MAPK10: variants seen among roughly 807,000 people sequenced by gnomAD.
MAPK10 encodes the protein JNK3 alpha protein kinase.
A neutral mutation model predicts 59.3 loss-of-function variants in MAPK10; 25 were observed. That is an observed-to-expected ratio of 0.42 (90% CI 0.31 to 0.59). The LOEUF (loss-of-function observed/expected upper bound fraction) is 0.59, where lower values mean the gene tolerates loss of function less well. Among genes scored for constraint, MAPK10 ranks in the 20% least tolerant of loss-of-function variants. The pLI is 0.15. For synonymous variants in MAPK10, 190 were observed against 200.5 expected (o/e 0.95, Z 0.44); for missense variants, 351 against 568.9 (o/e 0.62, Z 3.90).
intron 3 of MAPK10, among the ~76,000 whole-genome samples, chr4:86,183,237 C>T: frequency 6.6e-6 from 1 of 151,886 alleles, no homozygotes; most frequent in Non-Finnish European, 1.5e-5. Flanking sequence ...GTGCTGCACT[C>T]AGTAACTCGT....
upstream of MAPK10, among the ~76,000 whole-genome samples, chr4:86,456,005 C>A (rs1751194827): frequency 6.6e-6 from 1 of 152,118 alleles, no homozygotes; most frequent in South Asian, 2.1e-4. Flanking sequence ...CCAAAAGGAA[C>A]CTTCAAAACC....
At chr4:86,402,787 A>T (rs1743888313) in intron 1 of MAPK10, among the ~76,000 whole-genome samples, 1 of 152,158 alleles carries the variant, frequency 6.6e-6, no homozygotes, top group Non-Finnish European at 1.5e-5. Context: ...GGTGGCCTCA[A>T]GTCTAAAGTT....
chr4:86,071,801 A>G (rs1356281632), intron 9 of MAPK10, among the ~76,000 whole-genome samples: 1 of 150,002 alleles, frequency 6.7e-6, no homozygotes, highest in Non-Finnish European at 1.5e-5. Flanking sequence ...GTAGCCTTGT[A>G]GTATAGTTTG....
rs112676339 is a variant in MAPK10, at chr4:86,015,154, A to T, written c.*2074T>A. On this transcript the variant is annotated 3_prime_UTR_variant, in exon 14 of 14. Coordinates refer to ENST00000641462, the MANE Select transcript of MAPK10 (RefSeq NM_138982.4). The stretch of plus-strand genomic sequence containing the variant: ...AAATGGGCCATTTTTATTCCAGGGG[A>T]CAAGCTGCACAAAGGAATGTTCTTC... The T allele has an allele frequency of 2.1e-4, 32 of 152,260 alleles. No individual in the cohort carries two copies. The highest frequency in any genetic ancestry group is 7.2e-4 in the African/African-American group (30 of 41,546). The allele number at this position is 152,260 out of a possible 1,614,324, so 9.4% of individuals were successfully genotyped here. A position where few individuals can be genotyped will look rare whatever the true frequency, so the allele number is the denominator to read the frequency against.
chr4:86,435,269 G>T (rs1748568123), intron 1 of MAPK10, among the ~76,000 whole-genome samples: 1 of 152,146 alleles, frequency 6.6e-6, no homozygotes, highest in East Asian at 1.9e-4. Context: ...GGCTGAGGCG[G>T]GCGGATTACC....
At chr4:86,522,082 T>C (rs1757149699) in intron 1 of MAPK10, among the ~76,000 whole-genome samples, 1 of 152,200 alleles carries the variant, frequency 6.6e-6, no homozygotes. Flanking sequence ...CCATTTCAGC[T>C]CTAGGTAAGG....
intron 4 of MAPK10, among the ~76,000 whole-genome samples, chr4:86,157,886 A>T (rs2068312720): frequency 6.6e-6 from 1 of 151,994 alleles, no homozygotes; most frequent in African/African-American, 2.4e-5. Flanking sequence ...TCACTGCCAC[A>T]AATCTGTGGC....
rs560769811 is a variant in MAPK10, at chr4:86,231,662, AAAAAAAGAAAAAAG to A, written c.-6-37269_-6-37256del. Among the ~76,000 whole-genome samples, 6 of 152,094 alleles carry A rather than the reference AAAAAAAGAAAAAAG, an allele frequency of 3.9e-5. No individual in the cohort carries two copies. In the East Asian group the frequency reaches 9.6e-4, roughly 24 times the overall value. The stretch of plus-strand genomic sequence containing the variant: ...TGGTGACAGAGCGAGACTCTGTCTC[AAAAAAAGAAAAAAG>A]AAAAAAGAAAAAAAAGTACAGTTAT... On this transcript the variant is annotated intron_variant, in intron 2 of 13. Coordinates refer to ENST00000641462, the MANE Select transcript of MAPK10 (RefSeq NM_138982.4).
At chr4:86,574,151 C>T (rs897654953) in intron 1 of MAPK10, among the ~76,000 whole-genome samples, 4 of 151,430 alleles carry the variant, frequency 2.6e-5, no homozygotes, top group Non-Finnish European at 2.9e-5. Flanking sequence ...TGAGAACATG[C>T]GGTGTTTGGT....
At chr4:86,136,669 A>G (rs1363071906) in intron 4 of MAPK10, among the ~76,000 whole-genome samples, 1 of 151,204 alleles carries the variant, frequency 6.6e-6, no homozygotes, top group Non-Finnish European at 1.5e-5. Context: ...GACAGGATCA[A>G]ATTCACACAT....
At chr4:86,072,188 C>G (rs767588511) in intron 9 of MAPK10, among the ~76,000 whole-genome samples, 9,840 of 150,416 alleles carry the variant, frequency 0.065, 367 homozygotes, top group African/African-American at 0.11. Flanking sequence ...ATTTGGCTCT[C>G]TGTTTGTCTG....
chr4:86,171,317 T>A (rs1433078959), intron 3 of MAPK10, among the ~76,000 whole-genome samples: 1 of 152,112 alleles, frequency 6.6e-6, no homozygotes, highest in Non-Finnish European at 1.5e-5. Context: ...ACAAAATTGA[T>A]AGACTGCTAG....
chr4:86,196,743 G>A (rs922931810), intron 2 of MAPK10, among the ~76,000 whole-genome samples: 3 of 152,172 alleles, frequency 2.0e-5, no homozygotes, highest in African/African-American at 4.8e-5. Context: ...TGTAGAAGGT[G>A]TAAGGAAGGG....
At chr4:86,419,577 A>G (rs11938088) in intron 1 of MAPK10, among the ~76,000 whole-genome samples, 31,077 of 152,122 alleles carry the variant, frequency 0.2, 3,264 homozygotes, top group South Asian at 0.28. Flanking sequence ...AAGTTGCTTC[A>G]TCACTTGGTA....
intron 11 of MAPK10, among the ~76,000 whole-genome samples, chr4:86,041,426 A>C (rs907016096): frequency 8.5e-5 from 13 of 152,152 alleles, no homozygotes; most frequent in African/African-American, 3.1e-4. Context: ...GCATGGGCAA[A>C]GACCTCATTA....
intron 3 of MAPK10, among the ~76,000 whole-genome samples, chr4:86,175,764 G>A (rs1012150712): frequency 1.3e-5 from 2 of 152,002 alleles, no homozygotes; most frequent in Non-Finnish European, 2.9e-5. Context: ...CCTAGCCTCA[G>A]GTACATATTT....
chr4:86,502,660 C>A (rs753380329), intron 1 of MAPK10, among the ~76,000 whole-genome samples: 1 of 152,032 alleles, frequency 6.6e-6, no homozygotes, highest in Non-Finnish European at 1.5e-5. Flanking sequence ...CTCCATATGT[C>A]AAATTAACTT....
chr4:86,518,589 A>AT, intron 1 of MAPK10, among the ~76,000 whole-genome samples: 1 of 136,520 alleles, frequency 7.3e-6, no homozygotes, highest in Non-Finnish European at 1.6e-5. Context: ...TATCTTTTGT[A>AT]TTTTTTTGGT....
At chr4:86,187,869 TC>T (rs1441482178) in intron 3 of MAPK10, among the ~76,000 whole-genome samples, 7 of 152,134 alleles carry the variant, frequency 4.6e-5, no homozygotes, top group Non-Finnish European at 7.4e-5. Context: ...GCTGCACCCA[TC>T]AATCTGTCAT....
Sources: gnomAD v4.1 joint callset for allele counts (sites outside exome capture counted in the v4.1 genomes callset) on GRCh38, gnomAD v4.1.1 for gene constraint, MANE v1.5 for transcripts, NCBI Gene and HGNC (gene_info 2026-07-23, HGNC 2026-07-21) for gene names.